INTS6L: variants seen among roughly 807,000 people sequenced by gnomAD.
INTS6L encodes the protein integrator complex subunit 6 like, also known as integrator complex subunit 6-like.
Under a neutral mutation model 64.7 loss-of-function variants are expected in INTS6L, and 18 were observed. That is an observed-to-expected ratio of 0.28 (90% CI 0.19 to 0.41). The LOEUF (loss-of-function observed/expected upper bound fraction) is 0.41, where lower values mean the gene tolerates loss of function less well. Among genes scored for constraint, INTS6L ranks in the 10% least tolerant of loss-of-function variants. The pLI is 1.00. For missense variants in INTS6L, 533 were observed against 661.0 expected (o/e 0.81, Z 2.12); for synonymous variants, 227 against 235.9 (o/e 0.96, Z 0.34).
intron 10 of INTS6L, 143 bp downstream of exon 10, chrX:135,569,574 C>T: frequency 6.0e-6 from 2 of 333,135 alleles, no homozygotes; most frequent in Middle Eastern, 9.1e-4. Flanking sequence ...ACTGTCTTCT[C>T]AAATCATGTG....
chrX:135,523,254 C>T (rs1014782724), intron 2 of INTS6L, among the ~76,000 whole-genome samples: 23 of 108,974 alleles, frequency 2.1e-4, no homozygotes, highest in Non-Finnish European at 4.4e-4. Flanking sequence ...AAAAAAAAAA[C>T]GGCCGGATGT....
Position 135,582,396 on chromosome X carries a change from G to C in INTS6L, c.*760G>C. On this transcript the variant is annotated 3_prime_UTR_variant, in exon 18 of 18. Coordinates refer to ENST00000639893, the MANE Select transcript of INTS6L (RefSeq NM_001351601.3). ...TATTTCCTTTAATGTTTATACAAAA[G>C]TTTATATGGAGCAGTATTGTTATGT... is the stretch of plus-strand genomic sequence containing the variant. 8.9e-6 allele frequency: 1 copy of C among 112,465 alleles called. No individual in the cohort carries two copies. Among genetic ancestry groups the C allele is most frequent in the East Asian group, 2.8e-4 (1 of 3,598 alleles). 9.3% of individuals were successfully genotyped at this position (112,465 alleles called of 1,213,427 possible). A position where few individuals can be genotyped will look rare whatever the true frequency, so the allele number is the denominator to read the frequency against.
At chrX:135,531,902 T>C (rs2085922581) in intron 2 of INTS6L, among the ~76,000 whole-genome samples, 1 of 111,651 alleles carries the variant, frequency 9.0e-6, no homozygotes, top group South Asian at 3.7e-4. Context: ...CCAGGAGAGC[T>C]GAAGGCCTGG....
intron 9 of INTS6L, among the ~76,000 whole-genome samples, chrX:135,559,146 T>C (rs1345749819): frequency 8.9e-6 from 1 of 111,942 alleles, no homozygotes; most frequent in Non-Finnish European, 1.9e-5. Context: ...ATGTACTCTT[T>C]ATTCAGTTTT....
intron 14 of INTS6L, 131 bp downstream of exon 14, chrX:135,575,357 G>A (rs2087195296): frequency 1.2e-6 from 1 of 806,823 alleles, no homozygotes; most frequent in African/African-American, 2.1e-5. Flanking sequence ...TGACACTAAG[G>A]CTCTTAGTGG....
chrX:135,547,412 C>G lies in INTS6L; in HGVS notation c.742+147C>G. The G allele has an allele frequency of 4.8e-6, 3 of 629,073 alleles. No homozygotes were observed. The South Asian group carries it at 1.2e-4, about 24-fold the overall frequency. The allele number at this position is 629,073 out of a possible 1,213,427, so 51.8% of individuals were successfully genotyped here. On this transcript the variant is annotated intron_variant, in intron 6 of 17. Transcript: ENST00000639893. ...CCAAACAACTACCACACATTCACTG[C>G]CTATGTATATGTATCAGGTGGCCAA... is the stretch of plus-strand genomic sequence containing the variant.
At chrX:135,523,802 T>C (rs2085657130) in intron 2 of INTS6L, among the ~76,000 whole-genome samples, 1 of 112,300 alleles carries the variant, frequency 8.9e-6, no homozygotes, top group South Asian at 3.6e-4. Context: ...CTTTTTATCC[T>C]GCCATCTTAT....
intron 15 of INTS6L, 138 bp downstream of exon 15, chrX:135,577,565 G>A: frequency 1.6e-6 from 1 of 626,777 alleles, no homozygotes; most frequent in Non-Finnish European, 2.4e-6. Context: ...CATCTATTTG[G>A]TAGGTACAAT....
chrX:135,550,779 C>T (rs1556516745), intron 7 of INTS6L, among the ~76,000 whole-genome samples: 2 of 111,458 alleles, frequency 1.8e-5, no homozygotes. Flanking sequence ...TGAGGGTAAA[C>T]GTCCCACTCC....
Position 135,572,948 on chromosome X carries a change from A to G in INTS6L, c.1532A>G (p.Lys511Arg). ...THNKNFRKLL[K>R]EITGETALRL... ...AATAAAAATTTTAGAAAACTATTGAAAGAAATCACAGGGGAAACTGCACTT... is the reference window on the plus strand; with the variant it reads ...AATAAAAATTTTAGAAAACTATTGAGAGAAATCACAGGGGAAACTGCACTT... The change falls in exon 12 of 18, where the codon AAA becomes AGA. Residue 511 changes from lysine (K) to arginine (R), a missense_variant. By Grantham distance (26) the Lys-to-Arg change is conservative (BLOSUM62 2). Transcript: ENST00000639893. The G allele has an allele frequency of 8.3e-7, 1 of 1,211,584 alleles. No individual in the cohort carries two copies. The highest frequency in any genetic ancestry group is 1.8e-5 in the South Asian group (1 of 56,966).
At chrX:135,572,637 C>A in intron 11 of INTS6L, 178 bp from the exon 12 acceptor site, 2 of 385,374 alleles carry the variant, frequency 5.2e-6, no homozygotes, top group Non-Finnish European at 8.9e-6. Context: ...TTCCTGCCCC[C>A]TATCTGTTTG....
intron 2 of INTS6L, among the ~76,000 whole-genome samples, chrX:135,539,405 A>G (rs1475977302): frequency 8.9e-6 from 1 of 111,963 alleles, no homozygotes; most frequent in Admixed American, 9.5e-5. Context: ...GATTCATTCC[A>G]TCAACTCTAG....
At chrX:135,579,271 A>G (rs781945925) in intron 15 of INTS6L, among the ~76,000 whole-genome samples, 17 of 112,189 alleles carry the variant, frequency 1.5e-4, no homozygotes, top group African/African-American at 5.5e-4. Context: ...GACACAGAAA[A>G]GAAGGATTAG....
At chrX:135,522,367 C>T (rs1602771478) in intron 2 of INTS6L, among the ~76,000 whole-genome samples, 1 of 111,534 alleles carries the variant, frequency 9.0e-6, no homozygotes, top group East Asian at 2.8e-4. Flanking sequence ...TGATTCTGAC[C>T]TACAGGAGAA....
rs782675810 is a variant in INTS6L, at chrX:135,582,010, TCTTA to T, written c.*377_*380del. The T allele has an allele frequency of 6.0e-5, 10 of 165,678 alleles. No individual in the cohort carries two copies. Among genetic ancestry groups the T allele is most frequent in the Middle Eastern group, 2.1e-3 (1 of 470 alleles). The allele number at this position is 165,678 out of a possible 1,213,427, so 13.7% of individuals were successfully genotyped here. ...CTGCAAGTGGAGCACAACTTGGTGCTCTTACTGTGTCCTTCAGAAAGAATAGGTG... is the reference window on the plus strand; with the variant it reads ...CTGCAAGTGGAGCACAACTTGGTGCTCTGTGTCCTTCAGAAAGAATAGGTG... On this transcript the variant is annotated 3_prime_UTR_variant, in exon 18 of 18. Coordinates refer to ENST00000639893, the MANE Select transcript of INTS6L (RefSeq NM_001351601.3).
rs782372031 is a variant in INTS6L, at chrX:135,536,525, G to A, written c.190-8898G>A. On this transcript the variant is annotated intron_variant, in intron 2 of 17. Coordinates refer to ENST00000639893, the MANE Select transcript of INTS6L (RefSeq NM_001351601.3). ...GGAAAAGGATTACAAGTGACCTTTAGAGATAGAACAGGAGTTTTTCAGAAA... is the reference window on the plus strand; with the variant it reads ...GGAAAAGGATTACAAGTGACCTTTAAAGATAGAACAGGAGTTTTTCAGAAA... Among the ~76,000 whole-genome samples the A allele has an allele frequency of 3.6e-5, 4 of 111,613 alleles. No individual in the cohort carries two copies. The Admixed American group carries it at 3.8e-4, about 11-fold the overall frequency.
intron 2 of INTS6L, among the ~76,000 whole-genome samples, chrX:135,523,783 C>G (rs1023649127): frequency 1.2e-4 from 14 of 112,223 alleles, no homozygotes; most frequent in South Asian, 3.6e-4. Flanking sequence ...GAAATTTCAT[C>G]AGATAGCTCT....
chrX:135,569,620 A>T, intron 10 of INTS6L, 189 bp downstream of exon 10: 1 of 268,916 alleles, frequency 3.7e-6, no homozygotes. Flanking sequence ...CACAAAAGAG[A>T]GCTGTTTTCT....
chrX:135,573,879 T>C (rs1186058472), intron 12 of INTS6L, 60 bp from the exon 13 acceptor site: 9 of 1,092,250 alleles, frequency 8.2e-6, no homozygotes, highest in Admixed American at 2.9e-5. Context: ...GAGATAAGTA[T>C]GACATTTCTA....
Sources: allele counts gnomAD v4.1 joint callset (sites outside exome capture counted in the v4.1 genomes callset), GRCh38; gene constraint gnomAD v4.1.1; transcripts MANE v1.5; gene names NCBI Gene and HGNC (gene_info 2026-07-23, HGNC 2026-07-21).